Variants in HS3ST4 observed in about 807,000 individuals in gnomAD.
HS3ST4 encodes the protein heparan sulfate glucosamine 3-O-sulfotransferase 4.
Under a neutral mutation model 29.2 loss-of-function variants are expected in HS3ST4, and 17 were observed. That is an observed-to-expected ratio of 0.58 (90% confidence interval 0.40 to 0.87). The LOEUF is 0.87. Ranked by LOEUF, HS3ST4 falls within the 40% of genes least tolerant of loss-of-function variation. HS3ST4 has a pLI of 0.00. For synonymous variants in HS3ST4, 314 were observed against 285.7 expected, an observed-to-expected ratio of 1.10 and a Z score of -1.00; for missense variants, 627 against 634.5, an observed-to-expected ratio of 0.99 and a Z score of 0.13.
chr16:26,120,969 G>C (rs147872100), intron 1 of HS3ST4, among the ~76,000 whole-genome samples: 6 of 152,322 alleles, frequency 3.9e-5, no homozygotes, highest in Non-Finnish European at 8.8e-5. Flanking sequence ...GTACTGAGCA[G>C]TTAATTCCTT....
intron 1 of HS3ST4, among the ~76,000 whole-genome samples, chr16:26,131,784 T>C (rs1229131298): frequency 6.6e-6 from 1 of 152,100 alleles, no homozygotes; most frequent in Admixed American, 6.6e-5. Flanking sequence ...ATCAAAACCT[T>C]TCACAACAAA....
rs147616263 is a variant in HS3ST4, at chr16:25,831,210, C to T, written c.734+138059C>T. Among the ~76,000 whole-genome samples the T allele has an allele frequency of 5.8e-3, 881 of 152,262 alleles. 3 individuals carry two copies. Among genetic ancestry groups the T allele is most frequent in the Admixed American group, 0.011 (171 of 15,286 alleles). On this transcript the variant is annotated intron_variant, in intron 1 of 1. Transcript: ENST00000331351. ...AAGGGTGCTCTCTCCACATGCTCCCCACTGGTTCACTCATCAGAAGCATGT... is the reference window on the plus strand; with the variant it reads ...AAGGGTGCTCTCTCCACATGCTCCCTACTGGTTCACTCATCAGAAGCATGT...
At chr16:26,123,103 C>T (rs566678794) in intron 1 of HS3ST4, among the ~76,000 whole-genome samples, 1 of 151,516 alleles carries the variant, frequency 6.6e-6, no homozygotes, top group South Asian at 2.1e-4. Context: ...CCTTTGTCTA[C>T]AGAGCAGATG....
Position 26,135,972 on chromosome 16 carries a change from C to T in HS3ST4, c.1095C>T (p.Ala365=), listed in dbSNP as rs370272330. 2.6e-5 allele frequency: 42 copies of T among 1,613,950 alleles called. No homozygotes were observed. Among genetic ancestry groups the T allele is most frequent in the African/African-American group, 2.1e-4 (16 of 75,042 alleles). ...GTGAGCGACTCATTGTGGACCCCGCCGGGGAAATGGCCAAAGTACAGGATT... is the reference window on the plus strand; with the variant it reads ...GTGAGCGACTCATTGTGGACCCCGCTGGGGAAATGGCCAAAGTACAGGATT... ...VSGERLIVDP[A]GEMAKVQDFL... is the part of the protein sequence containing the mutation. Residue 365 remains alanine (A), a synonymous_variant, in exon 2 of 2, where the codon GCC becomes GCT. Transcript: ENST00000331351.
At chr16:26,127,271 C>T (rs1179222441) in intron 1 of HS3ST4, among the ~76,000 whole-genome samples, 1 of 152,174 alleles carries the variant, frequency 6.6e-6, no homozygotes, top group Non-Finnish European at 1.5e-5. Flanking sequence ...ACGTTGCTCC[C>T]CTTGATCTGG....
chr16:25,704,309 C>G (rs1200291052), intron 1 of HS3ST4, among the ~76,000 whole-genome samples: 1 of 152,152 alleles, frequency 6.6e-6, no homozygotes, highest in East Asian at 1.9e-4. Context: ...CTAGTCTCCC[C>G]CAAAGGTTCC....
intron 1 of HS3ST4, among the ~76,000 whole-genome samples, chr16:26,050,524 T>C (rs892843371): frequency 2.0e-5 from 3 of 152,160 alleles, no homozygotes; most frequent in Non-Finnish European, 4.4e-5. Context: ...TAAATAGTCA[T>C]TGAGCACATT....
chr16:26,134,052 C>T (rs998265769), intron 1 of HS3ST4, among the ~76,000 whole-genome samples: 1 of 152,100 alleles, frequency 6.6e-6, no homozygotes, highest in Non-Finnish European at 1.5e-5. Context: ...ATAAGCCTGC[C>T]ACATTGAGAT....
intron 1 of HS3ST4, among the ~76,000 whole-genome samples, chr16:25,881,315 A>C (rs1005980430): frequency 6.6e-6 from 1 of 152,186 alleles, no homozygotes; most frequent in Admixed American, 6.5e-5. Context: ...TAATTTAACC[A>C]AAACTCAACT....
chr16:25,693,098 C>T lies in HS3ST4; in HGVS notation c.681C>T (p.Gly227=), dbSNP rs373384815. The part of the protein sequence containing the change: ...IRVHPDVRAV[G]VEPHFFDRNY... ...TGCACCCGGACGTGCGGGCGGTGGG[C>T]GTAGAGCCGCACTTCTTCGACAGGA... Residue 227 remains glycine (G), a synonymous_variant, in exon 1 of 2, where the codon GGC becomes GGT. Coordinates refer to ENST00000331351, the MANE Select transcript of HS3ST4 (RefSeq NM_006040.3). The T allele has an allele frequency of 4.4e-4, 712 of 1,608,864 alleles. 2 individuals carry two copies. The African/African-American group carries it at 8.5e-3, about 19-fold the overall frequency.
intron 1 of HS3ST4, among the ~76,000 whole-genome samples, chr16:25,896,284 A>T (rs923526977): frequency 1.3e-5 from 2 of 152,152 alleles, no homozygotes; most frequent in African/African-American, 4.8e-5. Flanking sequence ...ATAGCCTTCA[A>T]CCCTCATTTT....
intron 1 of HS3ST4, among the ~76,000 whole-genome samples, chr16:25,840,811 T>C (rs773565144): frequency 6.6e-6 from 1 of 152,088 alleles, no homozygotes; most frequent in Non-Finnish European, 1.5e-5. Flanking sequence ...GGAGTTTTTA[T>C]TGGTAGAAGC....
intron 1 of HS3ST4, among the ~76,000 whole-genome samples, chr16:25,958,025 C>T (rs1233081490): frequency 6.6e-6 from 1 of 152,132 alleles, no homozygotes; most frequent in Non-Finnish European, 1.5e-5. Flanking sequence ...CAGAGTGAAG[C>T]TTGCTCAAGG....
intron 1 of HS3ST4, among the ~76,000 whole-genome samples, chr16:25,978,653 T>C (rs1000249496): frequency 1.4e-4 from 22 of 152,206 alleles, no homozygotes; most frequent in African/African-American, 5.3e-4. Context: ...CATCTGAAAA[T>C]CAGCATAAAA....
chr16:25,794,079 T>G (rs527828103), intron 1 of HS3ST4, among the ~76,000 whole-genome samples: 1 of 152,216 alleles, frequency 6.6e-6, no homozygotes, highest in East Asian at 1.9e-4. Context: ...TAATTTACGC[T>G]ATTTCTCTTC....
chr16:26,030,226 A>G (rs1294819889), intron 1 of HS3ST4, among the ~76,000 whole-genome samples: 1 of 152,148 alleles, frequency 6.6e-6, no homozygotes, highest in Non-Finnish European at 1.5e-5. Context: ...ACATAAATAC[A>G]CAATCCCTTG....
chr16:26,115,082 G>A (rs561222993), intron 1 of HS3ST4, among the ~76,000 whole-genome samples: 13 of 152,144 alleles, frequency 8.5e-5, no homozygotes, highest in African/African-American at 3.1e-4. Context: ...ATCTCAAGAA[G>A]TATCGTTGAG....
chr16:25,814,322 T>C (rs1056699025), intron 1 of HS3ST4, among the ~76,000 whole-genome samples: 2 of 151,850 alleles, frequency 1.3e-5, no homozygotes, highest in Admixed American at 6.6e-5. Context: ...ACTGATGTTG[T>C]TATGTCTGGT....
At chr16:25,883,737 GTTA>G (rs1967917952) in intron 1 of HS3ST4, among the ~76,000 whole-genome samples, 1 of 152,152 alleles carries the variant, frequency 6.6e-6, no homozygotes, top group Admixed American at 6.5e-5. Flanking sequence ...TAAAATAAGT[GTTA>G]TTATACTTGT....
Sources: allele counts gnomAD v4.1 joint callset (sites outside exome capture counted in the v4.1 genomes callset), GRCh38; gene constraint gnomAD v4.1.1; transcripts MANE v1.5; gene names NCBI Gene and HGNC (gene_info 2026-07-23, HGNC 2026-07-21).